The following ABCC1 variants were observed in gnomAD, a reference collection of about 807,000 sequenced individuals.
ABCC1 encodes the protein ATP binding cassette subfamily C member 1 (ABCC1 blood group), also known as multidrug resistance-associated protein 1.
A neutral mutation model predicts 172.9 loss-of-function variants in ABCC1; 83 were observed. The ratio of observed to expected loss-of-function variants is 0.48; its 90% CI spans 0.40 to 0.58. ABCC1 has a LOEUF of 0.58. Ranked by LOEUF, ABCC1 falls within the 20% of genes least tolerant of loss-of-function variation. The pLI, the probability that ABCC1 is intolerant of heterozygous loss-of-function variation, is 0.00. For missense variants in ABCC1, 1,817 were observed against 2,002.7 expected (o/e 0.91, Z 1.77); for synonymous variants, 937 against 825.2 (o/e 1.14, Z -2.32).
At chr16:16,066,692 A>G (rs1220908632) in intron 12 of ABCC1, among the ~76,000 whole-genome samples, 1 of 150,154 alleles carries the variant, frequency 6.7e-6, no homozygotes, top group Non-Finnish European at 1.5e-5. Flanking sequence ...TGAGGCCAGG[A>G]GCTCAAGACC....
intron 12 of ABCC1, among the ~76,000 whole-genome samples, chr16:16,060,879 C>T (rs2049880179): frequency 6.6e-6 from 1 of 151,924 alleles, no homozygotes; most frequent in African/African-American, 2.4e-5. Context: ...TGCATTGGCA[C>T]GATCTCAGCT....
chr16:16,015,422 G>A (rs2047959216), intron 4 of ABCC1, among the ~76,000 whole-genome samples: 1 of 152,196 alleles, frequency 6.6e-6, no homozygotes, highest in South Asian at 2.1e-4. Context: ...ACAGGCGTGA[G>A]CCACCACGCC....
chr16:16,048,113 A>C, intron 9 of ABCC1, 29 bp from the exon 10 acceptor site: 2 of 1,612,338 alleles, frequency 1.2e-6, no homozygotes, highest in Non-Finnish European at 1.7e-6. Flanking sequence ...TGCCACACTC[A>C]CCCACCTTCC....
chr16:16,055,281 G>A (rs1300501848), intron 11 of ABCC1, among the ~76,000 whole-genome samples: 7 of 151,958 alleles, frequency 4.6e-5, no homozygotes, highest in Non-Finnish European at 7.4e-5. Flanking sequence ...GGCTGGGTGC[G>A]GTGGCTCACA....
chr16:16,044,743 C>T (rs2049131511), intron 8 of ABCC1, 63 bp downstream of exon 8: 1 of 1,459,162 alleles, frequency 6.9e-7, no homozygotes, highest in Non-Finnish European at 9.6e-7. Flanking sequence ...CTTTCAGTTG[C>T]ATCAGTCATA....
At chr16:16,120,808 G>C (rs555562029) in intron 23 of ABCC1, among the ~76,000 whole-genome samples, 40 of 152,194 alleles carry the variant, frequency 2.6e-4, no homozygotes, top group African/African-American at 9.1e-4. Flanking sequence ...GCCATCGGAG[G>C]GGGGTGACGA....
At chr16:16,104,953 A>G (rs1596507788) in intron 20 of ABCC1, among the ~76,000 whole-genome samples, 2 of 152,176 alleles carry the variant, frequency 1.3e-5, no homozygotes, top group East Asian at 3.9e-4. Context: ...GCCCACCCAG[A>G]ACTAGCGCTG....
chr16:16,083,536 C>G lies in ABCC1; in HGVS notation c.2286C>G (p.Gly762=). 6.2e-7 allele frequency: 1 copy of G among 1,612,668 alleles called. No individual in the cohort carries two copies. The highest frequency in any genetic ancestry group is 2.2e-5 in the East Asian group (1 of 44,834). ...ILPSGDRTEI[G]EKGVNLSGGQ... ...CCAGTGGGGATCGGACAGAGATTGG[C>G]GAGAAGGTCAGTATAGGTTGGATGT... is the stretch of plus-strand genomic sequence containing the variant. The change falls in exon 17 of 31, where the codon GGC becomes GGG. Residue 762 remains glycine (G), a synonymous_variant. Coordinates refer to ENST00000399410, the MANE Select transcript of ABCC1 (RefSeq NM_004996.4).
intron 1 of ABCC1, among the ~76,000 whole-genome samples, chr16:15,953,803 G>A (rs1427082967): frequency 6.6e-6 from 1 of 152,124 alleles, no homozygotes; most frequent in Non-Finnish European, 1.5e-5. Context: ...TAGCCGCCAA[G>A]GAAGAATATC....
chr16:16,027,643 T>C (rs1368050908), intron 5 of ABCC1, among the ~76,000 whole-genome samples: 1 of 152,094 alleles, frequency 6.6e-6, no homozygotes, highest in African/African-American at 2.4e-5. Context: ...TGAAATTCTG[T>C]CTCTACAAAA....
At chr16:15,955,942 T>A (rs557800006) in intron 1 of ABCC1, among the ~76,000 whole-genome samples, 8 of 152,264 alleles carry the variant, frequency 5.3e-5, no homozygotes, top group African/African-American at 1.4e-4. Context: ...GGAGTGCTGA[T>A]GCCCCATGTA....
chr16:16,040,250 C>G (rs1354222208), intron 7 of ABCC1, among the ~76,000 whole-genome samples: 2 of 151,976 alleles, frequency 1.3e-5, no homozygotes, highest in African/African-American at 4.8e-5. Flanking sequence ...GTGCACACCA[C>G]CATGCCTGGC....
At chr16:16,046,970 G>A (rs1351992560) in intron 9 of ABCC1, among the ~76,000 whole-genome samples, 1 of 125,776 alleles carries the variant, frequency 8.0e-6, no homozygotes, top group East Asian at 2.3e-4. Flanking sequence ...CAAGGTGGGG[G>A]AATCACTGGA....
intron 1 of ABCC1, among the ~76,000 whole-genome samples, chr16:16,006,335 C>G (rs560432600): frequency 1.6e-4 from 25 of 151,988 alleles, no homozygotes; most frequent in African/African-American, 5.1e-4. Flanking sequence ...GGGAGGACTG[C>G]TTGAGCCCAA....
intron 1 of ABCC1, among the ~76,000 whole-genome samples, chr16:15,978,324 C>T (rs1274699988): frequency 6.6e-6 from 1 of 152,148 alleles, no homozygotes; most frequent in Non-Finnish European, 1.5e-5. Context: ...TGTGATTGCA[C>T]ACGACTGCTT....
intron 16 of ABCC1, among the ~76,000 whole-genome samples, chr16:16,082,602 G>A (rs185454134): frequency 6.6e-6 from 1 of 152,142 alleles, no homozygotes; most frequent in African/African-American, 2.4e-5. Context: ...TTTTAGCAAG[G>A]ATATTTCCTC....
intron 28 of ABCC1, among the ~76,000 whole-genome samples, chr16:16,135,165 A>T (rs947675979): frequency 6.6e-6 from 1 of 152,180 alleles, no homozygotes; most frequent in Non-Finnish European, 1.5e-5. Flanking sequence ...GACAAGAAAT[A>T]AGACTTTTTA....
In ABCC1 at chr16:15,988,610, G is replaced by A. The variant is rs138871587; in HGVS notation, c.49-19206G>A. On this transcript the variant is annotated intron_variant, in intron 1 of 30. Coordinates refer to ENST00000399410, the MANE Select transcript of ABCC1 (RefSeq NM_004996.4). ...GCCAGGGTTGGATGGAGAAAACGAG[G>A]GTGAGTGTCAGCTTCATAGGACGGG... 3.5e-3 allele frequency among the ~76,000 whole-genome samples: 539 copies of A among 152,286 alleles called. 2 individuals carry two copies. Among genetic ancestry groups the A allele is most frequent in the African/African-American group, 0.012 (511 of 41,544 alleles).
chr16:16,074,874 ACTC>A (rs1444457479), intron 14 of ABCC1, among the ~76,000 whole-genome samples: 3 of 150,808 alleles, frequency 2.0e-5, no homozygotes, highest in Non-Finnish European at 4.4e-5. Context: ...AACAAAAAAT[ACTC>A]CTGTATTATC....
Sources: gnomAD v4.1 joint callset for allele counts (sites outside exome capture counted in the v4.1 genomes callset) on GRCh38, gnomAD v4.1.1 for gene constraint, MANE v1.5 for transcripts, NCBI Gene and HGNC (gene_info 2026-07-23, HGNC 2026-07-21) for gene names.